MAGI2: variants seen among roughly 807,000 people sequenced by gnomAD.
MAGI2 encodes the protein membrane-associated guanylate kinase, WW and PDZ domain-containing protein 2.
In MAGI2, 35 loss-of-function variants were observed where a neutral mutation model predicts 133.3. The ratio of observed to expected loss-of-function variants is 0.26; its 90% CI spans 0.20 to 0.35. MAGI2 has a LOEUF of 0.35. Among genes scored for constraint, MAGI2 ranks in the 10% least tolerant of loss-of-function variants. MAGI2 has a pLI of 1.00. For synonymous variants in MAGI2, 729 were observed against 710.6 expected, an observed-to-expected ratio of 1.03 and a Z score of -0.41; for missense variants, 1,636 against 1,863.4, an observed-to-expected ratio of 0.88 and a Z score of 2.25.
chr7:79,031,679 A>G (rs968852739), intron 1 of MAGI2, among the ~76,000 whole-genome samples: 2 of 152,152 alleles, frequency 1.3e-5, no homozygotes, highest in African/African-American at 4.8e-5. Context: ...TATAAACAAA[A>G]AGTGTTTACT....
At chr7:79,445,927 CAAT>C in intron 1 of MAGI2, among the ~76,000 whole-genome samples, 1 of 152,280 alleles carries the variant, frequency 6.6e-6, no homozygotes, top group African/African-American at 2.4e-5. Context: ...AAATGTCCAA[CAAT>C]GATAGACTGG....
At chr7:79,449,942 T>TA (rs1849128540) in intron 1 of MAGI2, among the ~76,000 whole-genome samples, 1 of 145,694 alleles carries the variant, frequency 6.9e-6, no homozygotes, top group African/African-American at 2.5e-5. Flanking sequence ...CACCTCCTTT[T>TA]AAAATTATGA....
At chr7:78,357,050 A>C (rs891884752) in intron 7 of MAGI2, among the ~76,000 whole-genome samples, 4 of 152,246 alleles carry the variant, frequency 2.6e-5, no homozygotes, top group Non-Finnish European at 5.9e-5. Flanking sequence ...AAACAAGATA[A>C]AATATAGAAA....
intron 2 of MAGI2, among the ~76,000 whole-genome samples, chr7:78,949,827 C>G (rs1801722001): frequency 6.6e-6 from 1 of 152,128 alleles, no homozygotes; most frequent in Non-Finnish European, 1.5e-5. Context: ...ATAATTGAAC[C>G]AGGATCTAGC....
At chr7:78,070,174 C>CACATATATAT (rs1321917404) in intron 21 of MAGI2, among the ~76,000 whole-genome samples, 5 of 56,658 alleles carry the variant, frequency 8.8e-5, no homozygotes, top group East Asian at 6.4e-4. Context: ...CACACACACA[C>CACATATATAT]ATATATATAT....
intron 1 of MAGI2, among the ~76,000 whole-genome samples, chr7:79,152,275 CA>C (rs1184465855): frequency 6.6e-6 from 1 of 152,134 alleles, no homozygotes; most frequent in African/African-American, 2.4e-5. Flanking sequence ...TATATTTTTT[CA>C]TTGACTAAAA....
chr7:78,196,375 C>A (rs1198046089), intron 11 of MAGI2, among the ~76,000 whole-genome samples: 4 of 152,060 alleles, frequency 2.6e-5, no homozygotes, highest in African/African-American at 7.2e-5. Context: ...GTTGTATTAC[C>A]AGTGCATAGT....
intron 3 of MAGI2, among the ~76,000 whole-genome samples, chr7:78,610,635 G>A (rs1047411888): frequency 6.6e-5 from 10 of 152,176 alleles, no homozygotes; most frequent in Admixed American, 2.6e-4. Flanking sequence ...GATTCAATCC[G>A]TAATATGAAT....
At chr7:78,337,975 C>T (rs1248494312) in intron 9 of MAGI2, among the ~76,000 whole-genome samples, 1 of 152,008 alleles carries the variant, frequency 6.6e-6, no homozygotes, top group African/African-American at 2.4e-5. Context: ...TTTTATGTGC[C>T]AGGAGCATGT....
chr7:78,762,487 AAC>A (rs1491414344), intron 2 of MAGI2, among the ~76,000 whole-genome samples: 1 of 152,154 alleles, frequency 6.6e-6, no homozygotes, highest in African/African-American at 2.4e-5. Flanking sequence ...AAGAAAAAAA[AAC>A]AAAAAACAAC....
intron 1 of MAGI2, among the ~76,000 whole-genome samples, chr7:79,143,617 CACTTCAGGAT>C (rs1184069839): frequency 1.3e-5 from 2 of 152,146 alleles, no homozygotes. Flanking sequence ...AATCCTACAA[CACTTCAGGAT>C]AAATGGCCTA....
At chr7:78,783,012 CTTTTTTT>C (rs11432048) in intron 2 of MAGI2, among the ~76,000 whole-genome samples, 4 of 96,194 alleles carry the variant, frequency 4.2e-5, no homozygotes, top group African/African-American at 4.3e-5. Flanking sequence ...TGATTCTTAC[CTTTTTTT>C]TTTTTTTTTT....
intron 6 of MAGI2, among the ~76,000 whole-genome samples, chr7:78,391,017 T>G (rs17150662): frequency 3.5e-3 from 532 of 152,294 alleles, no homozygotes; most frequent in South Asian, 0.01. Context: ...CGTTTTTTCT[T>G]AGGATTCCTA....
chr7:79,138,679 C>T (rs990252492), intron 1 of MAGI2, among the ~76,000 whole-genome samples: 3 of 151,960 alleles, frequency 2.0e-5, no homozygotes, highest in African/African-American at 7.3e-5. Context: ...AAGGGTGGGG[C>T]CATAATCCAA....
chr7:78,654,733 A>G lies in MAGI2; in HGVS notation c.419-27494T>C, dbSNP rs944746541. On this transcript the variant is annotated intron_variant, in intron 2 of 21. Coordinates refer to ENST00000354212, the MANE Select transcript of MAGI2 (RefSeq NM_012301.4). Reference sequence around the variant, plus strand: ...TATATATATATATATATATATATATATATATATATATATATAGCATATATT... The same window carrying G: ...TATATATATATATATATATATATATGTATATATATATATATAGCATATATT... 8.1e-5 allele frequency among the ~76,000 whole-genome samples: 8 copies of G among 98,220 alleles called. 1 individual carries two copies. Among genetic ancestry groups the G allele is most frequent in the East Asian group, 2.8e-4 (1 of 3,622 alleles). The allele number at this position is 98,220 out of a possible 152,430, so 64.4% of individuals were successfully genotyped here.
intron 6 of MAGI2, among the ~76,000 whole-genome samples, chr7:78,408,441 C>T (rs751886697): frequency 7.9e-5 from 12 of 152,004 alleles, no homozygotes; most frequent in Admixed American, 5.3e-4. Context: ...GGGCAAGGTC[C>T]ACAGCCTGCA....
intron 4 of MAGI2, among the ~76,000 whole-genome samples, chr7:78,511,299 T>C (rs1027088034): frequency 1.9e-4 from 29 of 151,998 alleles, no homozygotes; most frequent in African/African-American, 6.7e-4. Flanking sequence ...GGCTGTACTA[T>C]AGATTATACT....
rs557912264 is a variant in MAGI2 at position 79,395,328 on chromosome 7, T to C, written c.301+57692A>G. Among the ~76,000 whole-genome samples, 5 of 152,294 alleles carry C rather than the reference T, an allele frequency of 3.3e-5. No individual in the cohort carries two copies. In the South Asian group the frequency reaches 1.0e-3, roughly 32 times the overall value. ...GAAATGATATAATCAAAGGAAAGTGTAAAATTATAACAGAAAATGTGTTAA... is the reference window on the plus strand; with the variant it reads ...GAAATGATATAATCAAAGGAAAGTGCAAAATTATAACAGAAAATGTGTTAA... On this transcript the variant is annotated intron_variant, in intron 1 of 21. Coordinates refer to ENST00000354212, the MANE Select transcript of MAGI2 (RefSeq NM_012301.4).
intron 2 of MAGI2, among the ~76,000 whole-genome samples, chr7:78,827,051 G>C (rs563158897): frequency 6.6e-6 from 1 of 152,106 alleles, no homozygotes; most frequent in African/African-American, 2.4e-5. Context: ...TATAGATACA[G>C]ATACATATAG....
Sources: allele counts gnomAD v4.1 joint callset (sites outside exome capture counted in the v4.1 genomes callset), GRCh38; gene constraint gnomAD v4.1.1; transcripts MANE v1.5; gene names NCBI Gene and HGNC (gene_info 2026-07-23, HGNC 2026-07-21).